AREL1: variants seen among roughly 807,000 people sequenced by gnomAD.
AREL1 encodes apoptosis resistant E3 ubiquitin protein ligase 1.
In AREL1, 62 loss-of-function variants were observed where a neutral mutation model predicts 99.0. The ratio of observed to expected loss-of-function variants is 0.63; its 90% CI spans 0.51 to 0.77. The LOEUF is 0.77. Ranked by LOEUF, AREL1 falls within the 30% of genes least tolerant of loss-of-function variation. AREL1 has a pLI of 0.00. For missense variants in AREL1, 879 were observed against 1,027.6 expected (o/e 0.86, Z 1.98); for synonymous variants, 380 against 376.5 (o/e 1.01, Z -0.11).
intron 5 of AREL1, among the ~76,000 whole-genome samples, chr14:74,681,786 A>G (rs921694097): frequency 6.8e-6 from 1 of 147,072 alleles, no homozygotes; most frequent in African/African-American, 2.5e-5. Flanking sequence ...AAGAAAAAAA[A>G]AAAAAGAAAG....
intron 1 of AREL1, among the ~76,000 whole-genome samples, chr14:74,702,887 A>G (rs2090111602): frequency 6.6e-6 from 1 of 152,176 alleles, no homozygotes; most frequent in Non-Finnish European, 1.5e-5. Flanking sequence ...CCAGTTCCCA[A>G]CAAATTCCTC....
In AREL1 at chr14:74,712,986, G is replaced by T; in HGVS notation, c.-387C>A. On this transcript the variant is annotated 5_prime_UTR_variant, in exon 1 of 20. Transcript: ENST00000356357. ...TTCCACCTCCGCTGTCCTGGGAAGG[G>T]GCGGCAGCACTCAGCAGAAGACGGG... The T allele has an allele frequency of 1.3e-6, 1 of 776,474 alleles. No homozygotes were observed. Among genetic ancestry groups the T allele is most frequent in the African/African-American group, 1.7e-5 (1 of 58,724 alleles). The allele number at this position is 776,474 out of a possible 1,614,324, so 48.1% of individuals were successfully genotyped here.
rs1301408051 is a variant in AREL1 at position 74,663,934 on chromosome 14, A to G, written c.2334T>C (p.Ala778=). 6.2e-7 allele frequency: 1 copy of G among 1,614,066 alleles called. No individual in the cohort carries two copies. The highest frequency in any genetic ancestry group is 8.5e-7 in the Non-Finnish European group (1 of 1,180,038). Residue 778 remains alanine (A), a synonymous_variant, in exon 19 of 20, where the codon GCT becomes GCC. Coordinates refer to ENST00000356357, the MANE Select transcript of AREL1 (RefSeq NM_001039479.2). ...ALCPSFQIIA[A]PTHSTLPTAH... is the part of the protein sequence containing the mutation. ...CAGTAGGCAGCGTGCTATGGGTCGG[A>G]GCGGCAATAATCTGAAATGAGGGAC...
rs1334837459 is a variant in AREL1 at position 74,670,024 on chromosome 14, C to T, written c.1711G>A (p.Ala571Thr). The change falls in exon 14 of 20, where the codon GCC becomes ACC. Residue 571 changes from alanine (A) to threonine (T), a missense_variant. Coordinates refer to ENST00000356357, the MANE Select transcript of AREL1 (RefSeq NM_001039479.2). ...KCLYESSLGG[A>T]YKQLVRARFT... is the part of the protein sequence containing the mutation. ...CGAGCTCGGACCAACTGCTTGTAGG[C>T]TCCTCCTAGAGAGGACTCATAGAGA... is the stretch of plus-strand genomic sequence containing the variant. 5 of 1,614,010 alleles carry T rather than the reference C, an allele frequency of 3.1e-6. No individual in the cohort carries two copies. The highest frequency in any genetic ancestry group is 3.3e-5 in the Admixed American group (2 of 59,992).
intron 1 of AREL1, among the ~76,000 whole-genome samples, chr14:74,706,350 A>G (rs1270494379): frequency 6.6e-6 from 1 of 152,230 alleles, no homozygotes; most frequent in African/African-American, 2.4e-5. Context: ...TGGAACTGGA[A>G]TGGTCACACG....
At chr14:74,677,095 G>A (rs1345471391) in intron 5 of AREL1, among the ~76,000 whole-genome samples, 10 of 150,736 alleles carry the variant, frequency 6.6e-5, no homozygotes, top group East Asian at 2.0e-4. Context: ...CACCACGCCC[G>A]GCTGGAATCT....
At chr14:74,677,856 T>G (rs1374253869) in intron 5 of AREL1, among the ~76,000 whole-genome samples, 2 of 146,766 alleles carry the variant, frequency 1.4e-5, no homozygotes, top group East Asian at 3.9e-4. Flanking sequence ...AATAGAGAAA[T>G]TTAAATGAAT....
In AREL1 at chr14:74,694,181, A is replaced by C. The variant is rs2089936350; in HGVS notation, c.-333-1853T>G. On this transcript the variant is annotated intron_variant, in intron 1 of 19. Coordinates refer to ENST00000356357, the MANE Select transcript of AREL1 (RefSeq NM_001039479.2). ...CAGAGCCAGACCCAGTCTCAAAATAAATAAATAAATAAATAAATAAATAAT... is the reference window on the plus strand; with the variant it reads ...CAGAGCCAGACCCAGTCTCAAAATACATAAATAAATAAATAAATAAATAAT... Among the ~76,000 whole-genome samples the C allele has an allele frequency of 2.0e-5, 3 of 151,942 alleles. No individual in the cohort carries two copies. In the South Asian group the frequency reaches 6.2e-4, roughly 32 times the overall value.
At chr14:74,706,056 A>T (rs937272716) in intron 1 of AREL1, among the ~76,000 whole-genome samples, 1 of 152,186 alleles carries the variant, frequency 6.6e-6, no homozygotes, top group African/African-American at 2.4e-5. Context: ...TCTAGAAAAT[A>T]CTAGCTTCAG....
chr14:74,711,435 C>T (rs1473922563), intron 1 of AREL1, among the ~76,000 whole-genome samples: 10 of 151,180 alleles, frequency 6.6e-5, no homozygotes, highest in South Asian at 6.3e-4. Context: ...CCCAGCTACT[C>T]GGGAGGCTGA....
At chr14:74,672,668 G>A (rs1171317744) in intron 11 of AREL1, among the ~76,000 whole-genome samples, 163 bp downstream of exon 11, 2 of 152,084 alleles carry the variant, frequency 1.3e-5, no homozygotes, top group African/African-American at 2.4e-5. Flanking sequence ...CGGGAAGATC[G>A]AGGCTGCAGT....
chr14:74,669,641 T>C lies in AREL1; in HGVS notation c.1914+8A>G, dbSNP rs748904839. 1.2e-6 allele frequency: 2 copies of C among 1,613,714 alleles called. No individual in the cohort carries two copies. Among genetic ancestry groups the C allele is most frequent in the East Asian group, 4.5e-5 (2 of 44,888 alleles). ...CATAGGACCCAGAGGCTTTGTCCTC[T>C]TTCTCACCTTATCCAATTGACCTGA... On this transcript the variant is annotated splice_region_variant and intron_variant, in intron 15 of 19. Transcript: ENST00000356357.
intron 15 of AREL1, among the ~76,000 whole-genome samples, chr14:74,669,204 TAA>T (rs570842151): frequency 5.7e-4 from 87 of 152,314 alleles, no homozygotes; most frequent in Non-Finnish European, 9.8e-4. Context: ...CCAAAAAGTT[TAA>T]AAATACCCAG....
At chr14:74,671,845 A>G (rs962005745) in intron 11 of AREL1, 1 of 221,908 alleles carries the variant, frequency 4.5e-6, no homozygotes, top group African/African-American at 2.3e-5. Flanking sequence ...GAACCAAGGA[A>G]TCCTGGTTTT....
chr14:74,708,048 G>C (rs1483577532), intron 1 of AREL1, among the ~76,000 whole-genome samples: 1 of 151,988 alleles, frequency 6.6e-6, no homozygotes, highest in African/African-American at 2.4e-5. Context: ...GAAATTAGTG[G>C]AGAAACTTGT....
intron 2 of AREL1, among the ~76,000 whole-genome samples, chr14:74,686,466 ATCACTGAG>A (rs964702911): frequency 6.6e-6 from 1 of 152,260 alleles, no homozygotes; most frequent in Non-Finnish European, 1.5e-5. Context: ...TTCATATCTT[ATCACTGAG>A]TCTGACCTTA....
At chr14:74,686,878 G>A (rs965299530) in intron 2 of AREL1, among the ~76,000 whole-genome samples, 2 of 152,022 alleles carry the variant, frequency 1.3e-5, no homozygotes, top group African/African-American at 4.8e-5. Flanking sequence ...CTCCCAAAAG[G>A]GTCTATTACA....
intron 8 of AREL1, among the ~76,000 whole-genome samples, chr14:74,675,492 G>C (rs1393655477): frequency 6.6e-6 from 1 of 152,162 alleles, no homozygotes; most frequent in Non-Finnish European, 1.5e-5. Flanking sequence ...CAGAACAAAA[G>C]ATCAAATTGT....
intron 1 of AREL1, among the ~76,000 whole-genome samples, chr14:74,704,952 T>A (rs181129391): frequency 1.3e-5 from 2 of 152,200 alleles, no homozygotes; most frequent in Non-Finnish European, 2.9e-5. Flanking sequence ...GCATTCCATT[T>A]ATCTCATAGT....
Sources: allele counts gnomAD v4.1 joint callset (sites outside exome capture counted in the v4.1 genomes callset), GRCh38; gene constraint gnomAD v4.1.1; transcripts MANE v1.5; gene names NCBI Gene and HGNC (gene_info 2026-07-23, HGNC 2026-07-21).